The following MYO16 variants were observed in gnomAD, a reference collection of about 807,000 sequenced individuals.
MYO16 encodes myosin XVI.
MYO16 carries 94 observed loss-of-function variants against 205.3 expected under a neutral mutation model. The ratio of observed to expected loss-of-function variants is 0.46; its 90% CI spans 0.39 to 0.54. The LOEUF (loss-of-function observed/expected upper bound fraction) is 0.54. Among genes scored for constraint, MYO16 ranks in the 20% least tolerant of loss-of-function variants. The probability of loss-of-function intolerance (pLI) is 0.00; values close to 1 mark genes in which losing one functional copy is unlikely to be tolerated. For synonymous variants in MYO16, 988 were observed against 954.0 expected, an observed-to-expected ratio of 1.04 and a Z score of -0.66; for missense variants, 2,315 against 2,387.5, an observed-to-expected ratio of 0.97 and a Z score of 0.63.
chr13:108,625,528 G>A (rs540590348), upstream of MYO16, among the ~76,000 whole-genome samples: 5 of 152,122 alleles, frequency 3.3e-5, no homozygotes, highest in African/African-American at 1.2e-4. Flanking sequence ...CCCAGGAGAG[G>A]TCTTGACTCC....
upstream of MYO16, among the ~76,000 whole-genome samples, chr13:108,595,840 G>A (rs1457322140): frequency 6.7e-6 from 1 of 149,394 alleles, no homozygotes; most frequent in Non-Finnish European, 1.5e-5. Context: ...AAAAAAAGGA[G>A]TGCACGTGTC....
At chr13:109,075,640 C>G (rs1888074012) in intron 27 of MYO16, among the ~76,000 whole-genome samples, 1 of 152,044 alleles carries the variant, frequency 6.6e-6, no homozygotes, top group Non-Finnish European at 1.5e-5. Context: ...TCCCAAAGTG[C>G]TAGGATTACA....
rs36054088 is a variant in MYO16, at chr13:109,176,577, TAAAAAAA to T, written c.5324-2947_5324-2941del. 2.0e-3 allele frequency among the ~76,000 whole-genome samples: 88 copies of T among 44,952 alleles called. 5 individuals are homozygous for T. The highest frequency in any genetic ancestry group is 7.2e-3 in the African/African-American group (79 of 10,994). The allele number at this position is 44,952 out of a possible 152,430, so 29.5% of individuals were successfully genotyped here. On this transcript the variant is annotated intron_variant, in intron 33 of 34. Transcript: ENST00000457511. ...GCAGCTAAATAAAATATTGTGCTGGTAAAAAAAAAAAAAAAAAAAAAAAAGACCTCCT... is the reference window on the plus strand; with the variant it reads ...GCAGCTAAATAAAATATTGTGCTGGTAAAAAAAAAAAAAAAAAGACCTCCT...
chr13:108,559,627 C>T, the MYO16 span, among the ~76,000 whole-genome samples: 4 of 151,672 alleles, frequency 2.6e-5, no homozygotes, highest in African/African-American at 9.7e-5. Context: ...GCACCCGCCA[C>T]CACGCCCGGC....
chr13:108,910,276 T>C, intron 16 of MYO16, 126 bp downstream of exon 16: 2 of 1,021,012 alleles, frequency 2.0e-6, no homozygotes, highest in South Asian at 1.6e-5. Flanking sequence ...TGTTGGATAC[T>C]GTTAGGTTGA....
intron 32 of MYO16, among the ~76,000 whole-genome samples, chr13:109,147,578 T>C (rs1349706230): frequency 6.6e-6 from 1 of 152,190 alleles, no homozygotes. Context: ...CCAGGCTTCT[T>C]GCCTATGTGC....
chr13:109,011,787 C>T (rs879753011), intron 22 of MYO16, among the ~76,000 whole-genome samples: 14 of 152,092 alleles, frequency 9.2e-5, no homozygotes, highest in South Asian at 2.1e-4. Context: ...GCTGGGATTA[C>T]AGGTGTGAGC....
chr13:108,590,240 G>T, the MYO16 span, among the ~76,000 whole-genome samples: 1 of 152,260 alleles, frequency 6.6e-6, no homozygotes, highest in Middle Eastern at 3.4e-3. Context: ...ATTCACAAAG[G>T]TCTGTAAAAT....
chr13:108,837,246 C>T (rs1876978257), intron 9 of MYO16, among the ~76,000 whole-genome samples: 1 of 152,118 alleles, frequency 6.6e-6, no homozygotes, highest in African/African-American at 2.4e-5. Flanking sequence ...TTCCTCCTGC[C>T]ACCCTGTGAA....
chr13:108,809,319 A>T (rs1229896391), intron 7 of MYO16, among the ~76,000 whole-genome samples: 1 of 152,174 alleles, frequency 6.6e-6, no homozygotes, highest in Non-Finnish European at 1.5e-5. Context: ...CACGCATTTG[A>T]TTCTGCTTAT....
chr13:108,851,956 G>T (rs917560694), intron 10 of MYO16, among the ~76,000 whole-genome samples: 5 of 151,880 alleles, frequency 3.3e-5, no homozygotes, highest in African/African-American at 4.8e-5. Context: ...CCTCCTCCAC[G>T]CCAGGGCATG....
chr13:109,063,450 G>A (rs1049656851), intron 27 of MYO16, among the ~76,000 whole-genome samples: 2 of 152,126 alleles, frequency 1.3e-5, no homozygotes, highest in Admixed American at 6.5e-5. Context: ...TAATTGGATT[G>A]CCTACAGCTG....
At chr13:108,734,990 G>C (rs892387358) in intron 4 of MYO16, among the ~76,000 whole-genome samples, 6 of 152,168 alleles carry the variant, frequency 3.9e-5, no homozygotes, top group African/African-American at 7.2e-5. Flanking sequence ...GTAGTTATTA[G>C]CTAGAACCCC....
intron 2 of MYO16, among the ~76,000 whole-genome samples, chr13:108,671,088 T>A (rs1881968371): frequency 6.6e-6 from 1 of 152,236 alleles, no homozygotes; most frequent in African/African-American, 2.4e-5. Context: ...TTTGAATTAA[T>A]ACATGATTAA....
chr13:108,667,945 T>C (rs991956854), intron 2 of MYO16, among the ~76,000 whole-genome samples: 7 of 152,160 alleles, frequency 4.6e-5, no homozygotes, highest in African/African-American at 1.7e-4. Flanking sequence ...GGAGTTGAGG[T>C]GAGAGGATTG....
intron 12 of MYO16, among the ~76,000 whole-genome samples, chr13:108,881,149 G>C (rs1236219119): frequency 6.6e-6 from 1 of 152,188 alleles, no homozygotes; most frequent in East Asian, 1.9e-4. Flanking sequence ...CTTTTCTGCA[G>C]CCTCTGCTGG....
At chr13:109,078,330 T>C (rs555786490) in intron 27 of MYO16, among the ~76,000 whole-genome samples, 1 of 152,016 alleles carries the variant, frequency 6.6e-6, no homozygotes, top group East Asian at 1.9e-4. Context: ...TACCAGCTAT[T>C]CAGGAGGCTG....
chr13:109,118,966 A>AGTAGTTAAG (rs1392616961), intron 28 of MYO16, among the ~76,000 whole-genome samples: 1 of 152,234 alleles, frequency 6.6e-6, no homozygotes, highest in Non-Finnish European at 1.5e-5. Context: ...GAAGTAGACC[A>AGTAGTTAAG]GTAGTTAAGA....
At chr13:108,707,235 G>A (rs1442241343) in intron 2 of MYO16, among the ~76,000 whole-genome samples, 1 of 152,144 alleles carries the variant, frequency 6.6e-6, no homozygotes, top group Non-Finnish European at 1.5e-5. Flanking sequence ...CTTGGATGCT[G>A]ATTCCCATGG....
Sources: allele counts gnomAD v4.1 joint callset (sites outside exome capture counted in the v4.1 genomes callset), GRCh38; gene constraint gnomAD v4.1.1; transcripts MANE v1.5; gene names NCBI Gene and HGNC (gene_info 2026-07-23, HGNC 2026-07-21).